The following MAN1C1 variants were observed in gnomAD, a reference collection of about 807,000 sequenced individuals.
MAN1C1 encodes mannosyl-oligosaccharide 1,2-alpha-mannosidase IC.
A neutral mutation model predicts 71.5 loss-of-function variants in MAN1C1; 49 were observed. The ratio of observed to expected loss-of-function variants is 0.69; its 90% CI spans 0.54 to 0.87. MAN1C1 has a LOEUF of 0.87. Among genes scored for constraint, MAN1C1 ranks in the 40% least tolerant of loss-of-function variants. The pLI is 0.00. For synonymous variants in MAN1C1, 352 were observed against 343.7 expected, an observed-to-expected ratio of 1.02 and a Z score of -0.27; for missense variants, 743 against 835.0, an observed-to-expected ratio of 0.89 and a Z score of 1.36.
At chr1:25,760,981 T>G (rs2047352286) in intron 6 of MAN1C1, 1 of 152,206 alleles carries the variant, frequency 6.6e-6, no homozygotes, top group Admixed American at 6.5e-5. Flanking sequence ...GTTGGCCCAG[T>G]GCTGCCCTGT....
At chr1:25,626,218 G>A (rs972385536) in intron 1 of MAN1C1, among the ~76,000 whole-genome samples, 3 of 152,208 alleles carry the variant, frequency 2.0e-5, no homozygotes, top group Non-Finnish European at 1.5e-5. Flanking sequence ...ATATGTGAGA[G>A]TTCCGCATCC....
intron 2 of MAN1C1, among the ~76,000 whole-genome samples, chr1:25,731,019 T>TA (rs1356312449): frequency 6.6e-6 from 1 of 152,170 alleles, no homozygotes; most frequent in African/African-American, 2.4e-5. Context: ...GCTGCTGCTT[T>TA]AAAAAAATCA....
chr1:25,637,369 C>T (rs556703525), intron 1 of MAN1C1, among the ~76,000 whole-genome samples: 1 of 151,952 alleles, frequency 6.6e-6, no homozygotes, highest in Admixed American at 6.6e-5. Context: ...TTTAATTTTC[C>T]AGATATCTTT....
At chr1:25,751,890 C>G (rs1263906196) in intron 4 of MAN1C1, among the ~76,000 whole-genome samples, 1 of 152,130 alleles carries the variant, frequency 6.6e-6, no homozygotes, top group Non-Finnish European at 1.5e-5. Context: ...GTCACCAGGG[C>G]TCAGCCACAC....
At chr1:25,624,399 G>A (rs1008131211) in intron 1 of MAN1C1, among the ~76,000 whole-genome samples, 2 of 147,340 alleles carry the variant, frequency 1.4e-5, no homozygotes, top group African/African-American at 5.3e-5. Flanking sequence ...AGTTGCGGGT[G>A]TTTCCTCCCC....
chr1:25,718,189 G>A (rs1354890615), intron 2 of MAN1C1, among the ~76,000 whole-genome samples: 1 of 151,984 alleles, frequency 6.6e-6, no homozygotes, highest in Admixed American at 6.6e-5. Flanking sequence ...GTTAATAATC[G>A]TCGTGTTTGT....
rs2047145558 is a variant in MAN1C1, at chr1:25,747,429, C to A, written c.753+646C>A. ...TCTCTCAGCCCAGACTAAAGCAAGG[C>A]ATGCATCCCAGAGGGGAGCTCCCCA... On this transcript the variant is annotated intron_variant, in intron 3 of 11. Coordinates refer to ENST00000374332, the MANE Select transcript of MAN1C1 (RefSeq NM_020379.4). Among the ~76,000 whole-genome samples, 10 of 152,344 alleles carry A rather than the reference C, an allele frequency of 6.6e-5. No homozygotes were observed. The South Asian group carries it at 2.1e-3, about 32-fold the overall frequency.
intron 1 of MAN1C1, among the ~76,000 whole-genome samples, chr1:25,658,068 G>A (rs929763347): frequency 5.9e-5 from 9 of 152,206 alleles, no homozygotes; most frequent in African/African-American, 1.9e-4. Context: ...TGACCTGTCT[G>A]AAGATGAGAC....
rs1424320011 is a variant in MAN1C1 at position 25,635,426 on chromosome 1, T to TTTTC, written c.540+17101_540+17104dup. On this transcript the variant is annotated intron_variant, in intron 1 of 11. Coordinates refer to ENST00000374332, the MANE Select transcript of MAN1C1 (RefSeq NM_020379.4). The stretch of plus-strand genomic sequence containing the variant: ...AATTGTTCCTAAGATTCTCATTCTT[T>TTTTC]TTTCTTTCTTTCTTTTTTTTTTTTT... Among the ~76,000 whole-genome samples the TTTTC allele has an allele frequency of 2.6e-5, 4 of 151,510 alleles. No homozygotes were observed. The South Asian group carries it at 8.3e-4, about 32-fold the overall frequency.
intron 2 of MAN1C1, among the ~76,000 whole-genome samples, chr1:25,687,708 G>C (rs1185892531): frequency 1.3e-5 from 2 of 152,156 alleles, no homozygotes; most frequent in South Asian, 2.1e-4. Flanking sequence ...CTGTCTGACT[G>C]TTCAGACATT....
chr1:25,757,154 C>T (rs1320501148), intron 5 of MAN1C1, among the ~76,000 whole-genome samples: 1 of 152,158 alleles, frequency 6.6e-6, no homozygotes. Context: ...GATCCCCAGC[C>T]CTATCCCAGG....
intron 1 of MAN1C1, among the ~76,000 whole-genome samples, chr1:25,619,739 C>A (rs1442761333): frequency 6.6e-6 from 1 of 152,198 alleles, no homozygotes; most frequent in Admixed American, 6.5e-5. Flanking sequence ...AAGGGGCATT[C>A]ATTTCTCCCT....
chr1:25,693,562 TGGA>T (rs1248747359), intron 2 of MAN1C1, among the ~76,000 whole-genome samples: 1 of 151,754 alleles, frequency 6.6e-6, no homozygotes, highest in Non-Finnish European at 1.5e-5. Context: ...ACCTGGGAGG[TGGA>T]GATTACAGTA....
At chr1:25,644,245 A>G (rs1435441851) in intron 1 of MAN1C1, among the ~76,000 whole-genome samples, 1 of 152,050 alleles carries the variant, frequency 6.6e-6, no homozygotes, top group Non-Finnish European at 1.5e-5. Flanking sequence ...GCAAACTAGC[A>G]GAAAGCTCCG....
Position 25,764,978 on chromosome 1 carries a change from G to T in MAN1C1, c.1141+1011G>T, listed in dbSNP as rs1265659479. Among the ~76,000 whole-genome samples, 1 of 152,046 alleles carries T rather than the reference G, an allele frequency of 6.6e-6. No homozygotes were observed. Among genetic ancestry groups the T allele is most frequent in the African/African-American group, 2.4e-5 (1 of 41,422 alleles). On this transcript the variant is annotated intron_variant, in intron 7 of 11. Coordinates refer to ENST00000374332, the MANE Select transcript of MAN1C1 (RefSeq NM_020379.4). This position sits in a 1 kb window ranked among gnomAD's most constrained non-coding sequence, Gnocchi z 4.4. ...CAGGAGAATCGCTTGAACCCGGGAG[G>T]CGGAGGTTGCAGTGAGCCAAGACCG...
chr1:25,647,509 G>A (rs902766133), intron 1 of MAN1C1, among the ~76,000 whole-genome samples: 1 of 152,092 alleles, frequency 6.6e-6, no homozygotes, highest in Non-Finnish European at 1.5e-5. Context: ...CAGTATGGAG[G>A]TACCTCGTCT....
At position 25,733,808 on chromosome 1, in the gene MAN1C1, AT is replaced by A. The variant is rs894706442; in HGVS notation, c.638-12851del. Reference sequence around the variant, plus strand: ...TTATTTATTTATTATTTTTATTTTTATTTTTTTTTGAGACGGAGTCTTTCTC... The same window carrying A: ...TTATTTATTTATTATTTTTATTTTTATTTTTTTTGAGACGGAGTCTTTCTC... On this transcript the variant is annotated intron_variant, in intron 2 of 11. Transcript: ENST00000374332. Among the ~76,000 whole-genome samples the A allele has an allele frequency of 1.4e-3, 209 of 145,198 alleles. 2 individuals carry two copies. The highest frequency in any genetic ancestry group is 5.7e-3 in the African/African-American group (207 of 36,204).
intron 2 of MAN1C1, among the ~76,000 whole-genome samples, chr1:25,705,920 G>A (rs1356166904): frequency 6.6e-6 from 1 of 152,218 alleles, no homozygotes; most frequent in Non-Finnish European, 1.5e-5. Context: ...TCCAGCCTCG[G>A]TGACAGAGCA....
At chr1:25,701,381 A>C (rs1426067677) in intron 2 of MAN1C1, among the ~76,000 whole-genome samples, 1 of 152,216 alleles carries the variant, frequency 6.6e-6, no homozygotes, top group African/African-American at 2.4e-5. Flanking sequence ...TGTGAGTTTC[A>C]TGTGTTGCTT....
Sources: gnomAD v4.1 joint callset for allele counts (sites outside exome capture counted in the v4.1 genomes callset) on GRCh38, gnomAD v4.1.1 for gene constraint, Gnocchi (gnomAD v3.1) non-coding constraint, MANE v1.5 for transcripts, NCBI Gene and HGNC (gene_info 2026-07-23, HGNC 2026-07-21) for gene names.